The following RABGEF1 variants were observed in gnomAD, a reference collection of about 807,000 sequenced individuals.
RABGEF1 encodes RAB guanine nucleotide exchange factor 1, also known as rab5 GDP/GTP exchange factor.
RABGEF1 carries 26 observed loss-of-function variants against 57.3 expected under a neutral mutation model. That is an observed-to-expected ratio of 0.45 (90% CI 0.33 to 0.63). The LOEUF (loss-of-function observed/expected upper bound fraction) is 0.63, where lower values mean the gene tolerates loss of function less well. Ranked by LOEUF, RABGEF1 falls within the 20% of genes least tolerant of loss-of-function variation. The probability of loss-of-function intolerance (pLI) is 0.02; values close to 1 mark genes in which losing one functional copy is unlikely to be tolerated. For synonymous variants in RABGEF1, 185 were observed against 210.7 expected, an observed-to-expected ratio of 0.88 and a Z score of 1.06; for missense variants, 464 against 607.6, an observed-to-expected ratio of 0.76 and a Z score of 2.48.
At chr7:66,746,511 G>A (rs1321085280) in intron 1 of RABGEF1, among the ~76,000 whole-genome samples, 6 of 151,336 alleles carry the variant, frequency 4.0e-5, no homozygotes, top group Non-Finnish European at 8.8e-5. Context: ...GGCTGATCTC[G>A]AACTCCTGAC....
chr7:66,660,572 A>G, the RABGEF1 span, among the ~76,000 whole-genome samples: 1 of 151,932 alleles, frequency 6.6e-6, no homozygotes, highest in East Asian at 1.9e-4. Flanking sequence ...CTGTAATCCC[A>G]GCACTTTCGG....
intron 2 of RABGEF1, among the ~76,000 whole-genome samples, chr7:66,724,731 A>G (rs1225178775): frequency 6.6e-6 from 1 of 152,178 alleles, no homozygotes; most frequent in Non-Finnish European, 1.5e-5. Flanking sequence ...CATCAAATTT[A>G]TAGTTTGAAA....
Position 66,750,622 on chromosome 7 carries a change from G to A in RABGEF1, c.-18+9830G>A, listed in dbSNP as rs372754647. ...TTTTTCTAGTGCTATAAATATATTG[G>A]TACATTTAAATATAATATACACACA... On this transcript the variant is annotated intron_variant, in intron 1 of 8. Transcript: ENST00000284957. Among the ~76,000 whole-genome samples the A allele has an allele frequency of 3.3e-5, 5 of 152,244 alleles. No homozygotes were observed. In the East Asian group the frequency reaches 5.8e-4, roughly 18 times the overall value.
At chr7:66,691,069 C>T (rs1056834480) in intron 1 of RABGEF1, among the ~76,000 whole-genome samples, 5 of 151,972 alleles carry the variant, frequency 3.3e-5, no homozygotes, top group South Asian at 2.1e-4. Flanking sequence ...CCAGCCTGGA[C>T]GACAAAGCGA....
At chr7:66,672,042 C>T in the RABGEF1 span, among the ~76,000 whole-genome samples, 21 of 151,890 alleles carry the variant, frequency 1.4e-4, no homozygotes, top group East Asian at 4.1e-3. Context: ...TCTTGAACTC[C>T]TGGACTCAAG....
chr7:66,753,683 A>T (rs1370346566), intron 1 of RABGEF1, among the ~76,000 whole-genome samples: 2 of 143,620 alleles, frequency 1.4e-5, no homozygotes, highest in Non-Finnish European at 3.0e-5. Context: ...CTCATCTGAA[A>T]ATGTCTATTT....
chr7:66,660,368 A>G, the RABGEF1 span, among the ~76,000 whole-genome samples: 4 of 151,776 alleles, frequency 2.6e-5, no homozygotes, highest in South Asian at 2.1e-4. Flanking sequence ...AAAAGAAAGA[A>G]AAAAGAAAAT....
At chr7:66,771,604 G>T (rs1159754325) in intron 1 of RABGEF1, among the ~76,000 whole-genome samples, 2 of 151,814 alleles carry the variant, frequency 1.3e-5, no homozygotes, top group Non-Finnish European at 2.9e-5. Context: ...TTACATTTAG[G>T]TCTTTAATCT....
intron 1 of RABGEF1, among the ~76,000 whole-genome samples, chr7:66,689,971 A>G (rs1791274819): frequency 1.3e-5 from 2 of 152,160 alleles, no homozygotes; most frequent in Admixed American, 1.3e-4. Flanking sequence ...CTCTTTCAAA[A>G]ACTTGAAGAG....
chr7:66,782,104 T>G (rs1810056505), intron 3 of RABGEF1, among the ~76,000 whole-genome samples: 1 of 152,226 alleles, frequency 6.6e-6, no homozygotes, highest in Non-Finnish European at 1.5e-5. Flanking sequence ...CTAAAGAATT[T>G]TTTTCTAATC....
chr7:66,692,811 C>T (rs1791720958), intron 1 of RABGEF1, among the ~76,000 whole-genome samples: 1 of 151,998 alleles, frequency 6.6e-6, no homozygotes, highest in South Asian at 2.1e-4. Context: ...GACATGGAGA[C>T]TCCAAAAAAG....
upstream of RABGEF1, among the ~76,000 whole-genome samples, chr7:66,737,797 G>A (rs1243704322): frequency 1.2e-4 from 19 of 152,112 alleles, no homozygotes; most frequent in African/African-American, 4.1e-4. Context: ...GTTGGAGTCT[G>A]CAGTGAGCCA....
At chr7:66,694,540 C>T (rs553686206) in intron 1 of RABGEF1, among the ~76,000 whole-genome samples, 76 of 152,332 alleles carry the variant, frequency 5.0e-4, no homozygotes, top group African/African-American at 1.7e-3. Context: ...AAGAGGGGCA[C>T]GGTCAGGTTT....
intron 2 of RABGEF1, among the ~76,000 whole-genome samples, chr7:66,721,960 T>C (rs1229970165): frequency 1.3e-5 from 2 of 152,046 alleles, no homozygotes; most frequent in Admixed American, 6.6e-5. Flanking sequence ...AAGACCAGCC[T>C]GGACAATATA....
Position 66,809,286 on chromosome 7 carries a change from C to G in RABGEF1, c.*2C>G. On this transcript the variant is annotated 3_prime_UTR_variant, in exon 9 of 9. Transcript: ENST00000284957. ...CAACCTCAAGTTTATGCAGGATGAT[C>G]ACAATTTAGTGGAGAGTATTTATTT... 1 of 1,602,918 alleles carries G rather than the reference C, an allele frequency of 6.2e-7. No individual in the cohort carries two copies. The highest frequency in any genetic ancestry group is 8.5e-7 in the Non-Finnish European group (1 of 1,172,824).
chr7:66,685,281 G>A (rs1368347368), intron 1 of RABGEF1, among the ~76,000 whole-genome samples: 1 of 150,596 alleles, frequency 6.6e-6, no homozygotes, highest in Non-Finnish European at 1.5e-5. Flanking sequence ...AGCCTTCTGA[G>A]TACCTGGGAA....
At chr7:66,739,657 CAAAAAAAAAAAAA>C (rs10554809), upstream of RABGEF1, among the ~76,000 whole-genome samples, 1 of 80,400 alleles carries the variant, frequency 1.2e-5, no homozygotes, top group Admixed American at 1.5e-4. Context: ...GTGAGAGTCT[CAAAAAAAAAAAAA>C]AAAAAAAAAA....
In RABGEF1 at chr7:66,759,890, C is replaced by G. The variant is rs533819162; in HGVS notation, c.-17-11993C>G. 6.6e-5 allele frequency among the ~76,000 whole-genome samples: 10 copies of G among 152,310 alleles called. No homozygotes were observed. In the South Asian group the frequency reaches 2.1e-3, roughly 32 times the overall value. On this transcript the variant is annotated intron_variant, in intron 1 of 8. Coordinates refer to ENST00000284957, the MANE Select transcript of RABGEF1 (RefSeq NM_014504.3). Reference sequence around the variant, plus strand: ...AAACCATATCACATAGGCATATAGTCCCTTTAAAACTGATCACCGTTACAG... The same window carrying G: ...AAACCATATCACATAGGCATATAGTGCCTTTAAAACTGATCACCGTTACAG...
chr7:66,752,508 A>T (rs1454359602), intron 1 of RABGEF1, among the ~76,000 whole-genome samples: 1 of 152,042 alleles, frequency 6.6e-6, no homozygotes, highest in African/African-American at 2.4e-5. Context: ...AAAAAAAAAA[A>T]GTCTTGATTT....
Sources: gnomAD v4.1 joint callset for allele counts (sites outside exome capture counted in the v4.1 genomes callset) on GRCh38, gnomAD v4.1.1 for gene constraint, MANE v1.5 for transcripts, NCBI Gene and HGNC (gene_info 2026-07-23, HGNC 2026-07-21) for gene names.